Variants in XRCC1 observed in about 807,000 individuals in gnomAD.
XRCC1 encodes X-ray repair cross complementing 1, also known as DNA repair protein XRCC1.
A neutral mutation model predicts 83.3 loss-of-function variants in XRCC1; 52 were observed. The ratio of observed to expected loss-of-function variants is 0.62; its 90% CI spans 0.50 to 0.79. The LOEUF (loss-of-function observed/expected upper bound fraction) is 0.79, where lower values mean the gene tolerates loss of function less well. Among genes scored for constraint, XRCC1 ranks in the 30% least tolerant of loss-of-function variants. The pLI, the probability that XRCC1 is intolerant of heterozygous loss-of-function variation, is 0.00. For missense variants in XRCC1, 793 were observed against 823.5 expected, an observed-to-expected ratio of 0.96 and a Z score of 0.45; for synonymous variants, 281 against 312.6, an observed-to-expected ratio of 0.90 and a Z score of 1.07.
At position 43,552,828 on chromosome 19, in the gene XRCC1, C is replaced by T. The variant is rs1475430005; in HGVS notation, c.792G>A (p.Gln264=). 4 of 1,612,498 alleles carry T rather than the reference C, an allele frequency of 2.5e-6. No individual in the cohort carries two copies. The highest frequency in any genetic ancestry group is 3.4e-6 in the Non-Finnish European group (4 of 1,179,518). ...GTCTCTTGGGAACAGATGGCGACAG[C>T]TGGGCTGGTGGTTTGCTGGGGGTCT... The part of the protein sequence containing the change: ...EKKTPSKPPA[Q]LSPSVPKRPK... The change falls in exon 8 of 17, where the codon CAG becomes CAA. Residue 264 remains glutamine (Q), a synonymous_variant. Coordinates refer to ENST00000262887, the MANE Select transcript of XRCC1 (RefSeq NM_006297.3).
chr19:43,571,354 T>TAA (rs2146073025), intron 2 of XRCC1, among the ~76,000 whole-genome samples: 1 of 152,340 alleles, frequency 6.6e-6, no homozygotes, highest in Non-Finnish European at 1.5e-5. Context: ...CCCTACTATT[T>TAA]AAATAAAAAT....
At chr19:43,573,893 A>C (rs1358986429) in intron 2 of XRCC1, among the ~76,000 whole-genome samples, 1 of 152,098 alleles carries the variant, frequency 6.6e-6, no homozygotes, top group Non-Finnish European at 1.5e-5. Flanking sequence ...GATAAATAAA[A>C]GATTGACTGT....
intron 2 of XRCC1, among the ~76,000 whole-genome samples, chr19:43,568,112 ATCC>A (rs1972771223): frequency 6.6e-6 from 1 of 151,340 alleles, no homozygotes; most frequent in Non-Finnish European, 1.5e-5. Flanking sequence ...TGACCTCGTG[ATCC>A]ACCTGCCTCA....
intron 2 of XRCC1, among the ~76,000 whole-genome samples, chr19:43,568,711 T>C (rs1972778229): frequency 7.0e-6 from 1 of 143,594 alleles, no homozygotes; most frequent in Non-Finnish European, 1.5e-5. Flanking sequence ...AAAAAACTGC[T>C]AATGGTGGTT....
In XRCC1 at chr19:43,546,607, C is replaced by A. The variant is rs370026016; in HGVS notation, c.1414G>T (p.Gly472Trp). The change falls in exon 12 of 17, where the codon GGG becomes TGG. Residue 472 changes from glycine (G) to tryptophan (W), a missense_variant. Gly to Trp is a radical substitution (Grantham distance 184). Coordinates refer to ENST00000262887, the MANE Select transcript of XRCC1 (RefSeq NM_006297.3). ...PVLQEDIDIE[G>W]VQSEGQDNGA... Reference sequence around the variant, plus strand: ...CTCAGAGTCTGACCTGACTGTACCCCCTCAATGTCTATATCTTCCTGGAGC... The same window carrying A: ...CTCAGAGTCTGACCTGACTGTACCCACTCAATGTCTATATCTTCCTGGAGC... 1.9e-6 allele frequency: 3 copies of A among 1,610,034 alleles called. No homozygotes were observed. Among genetic ancestry groups the A allele is most frequent in the Non-Finnish European group, 2.5e-6 (3 of 1,178,922 alleles).
chr19:43,550,180 G>A (rs1257278491), intron 10 of XRCC1, among the ~76,000 whole-genome samples: 1 of 152,032 alleles, frequency 6.6e-6, no homozygotes, highest in Non-Finnish European at 1.5e-5. Flanking sequence ...GCAAATGGCT[G>A]GCATACAGAT....
At chr19:43,561,131 G>C (rs1207509704) in intron 2 of XRCC1, 111 bp from the exon 3 acceptor site, 1 of 849,758 alleles carries the variant, frequency 1.2e-6, no homozygotes, top group African/African-American at 1.7e-5. Flanking sequence ...TGTCAATTCT[G>C]TGAGGGGGCA....
Position 43,552,143 on chromosome 19 carries a change from A to G in XRCC1, c.956T>C (p.Ile319Thr). The G allele has an allele frequency of 1.9e-6, 3 of 1,613,854 alleles. No homozygotes were observed. Among genetic ancestry groups the G allele is most frequent in the South Asian group, 1.1e-5 (1 of 91,074 alleles). The change falls in exon 9 of 17, where the codon ATC becomes ACC. Residue 319 changes from isoleucine (I) to threonine (T), a missense_variant. By Grantham distance (89) the Ile-to-Thr change is moderately conservative (BLOSUM62 -1). Coordinates refer to ENST00000262887, the MANE Select transcript of XRCC1 (RefSeq NM_006297.3). ...PRAGPEELGK[I>T]LQGVVVVLSG... The stretch of plus-strand genomic sequence containing the variant: ...CAGCACCACTACCACACCCTGAAGG[A>G]TCTTCCCCAGCTCCTCTGGGCCAGC...
rs1480777538 is a variant in XRCC1 at position 43,554,704 on chromosome 19, G to A, written c.356C>T (p.Ala119Val). The A allele has an allele frequency of 6.2e-7, 1 of 1,613,942 alleles. No individual in the cohort carries two copies. Among genetic ancestry groups the A allele is most frequent in the Non-Finnish European group, 8.5e-7 (1 of 1,179,890 alleles). Residue 119 changes from alanine (A) to valine (V), a missense_variant, in exon 4 of 17, where the codon GCA becomes GTA. By Grantham distance (64) the Ala-to-Val change is moderately conservative. Coordinates refer to ENST00000262887, the MANE Select transcript of XRCC1 (RefSeq NM_006297.3). ...CCGGTCCCAGCGCTTCTCGGCGGCT[G>A]CCCGGACCAGCTTGTCAGGCCCAAA... ...RMFGPDKLVR[A>V]AAEKRWDRVK... is the part of the protein sequence containing the mutation.
At chr19:43,560,129 G>A (rs1053831952) in intron 3 of XRCC1, among the ~76,000 whole-genome samples, 2 of 151,884 alleles carry the variant, frequency 1.3e-5, no homozygotes, top group South Asian at 4.2e-4. Context: ...AGTGGCTCAC[G>A]CCTGTAATCC....
At chr19:43,564,137 C>T (rs1280961417) in intron 2 of XRCC1, among the ~76,000 whole-genome samples, 1 of 152,180 alleles carries the variant, frequency 6.6e-6, no homozygotes, top group African/African-American at 2.4e-5. Flanking sequence ...AAATAACATA[C>T]CAAGTGCCTG....
At chr19:43,568,806 G>A (rs1261552776) in intron 2 of XRCC1, among the ~76,000 whole-genome samples, 2 of 141,826 alleles carry the variant, frequency 1.4e-5, no homozygotes, top group Non-Finnish European at 3.1e-5. Context: ...AAAGGGTGAG[G>A]GGAGATTTTC....
intron 10 of XRCC1, among the ~76,000 whole-genome samples, chr19:43,547,580 C>T (rs1231594318): frequency 6.6e-6 from 1 of 151,554 alleles, no homozygotes; most frequent in African/African-American, 2.4e-5. Flanking sequence ...TCCCAGGGTT[C>T]GAGCGAGTCT....
chr19:43,545,229 C>G (rs956887667), intron 14 of XRCC1, among the ~76,000 whole-genome samples: 5 of 152,220 alleles, frequency 3.3e-5, no homozygotes, highest in Admixed American at 2.0e-4. Context: ...CCGTGACTGT[C>G]TTTCCTCTGC....
intron 10 of XRCC1, among the ~76,000 whole-genome samples, chr19:43,549,184 A>T (rs553151861): frequency 2.4e-4 from 35 of 146,956 alleles, no homozygotes; most frequent in Admixed American, 1.1e-3. Context: ...TTCAAAGATT[A>T]AAAAAAAAAC....
At chr19:43,545,082 G>T (rs866846090) in intron 14 of XRCC1, among the ~76,000 whole-genome samples, 1 of 152,088 alleles carries the variant, frequency 6.6e-6, no homozygotes, top group Non-Finnish European at 1.5e-5. Flanking sequence ...CCATTTTAAG[G>T]TGACTCTCTA....
At chr19:43,548,068 G>A (rs187390192) in intron 10 of XRCC1, among the ~76,000 whole-genome samples, 6 of 52,890 alleles carry the variant, frequency 1.1e-4, no homozygotes, top group East Asian at 1.2e-3. Flanking sequence ...GCCCCGTCGG[G>A]GGGGAGGTGG....
Position 43,574,953 on chromosome 19 carries a change from C to A in XRCC1, c.101G>T (p.Arg34Leu), listed in dbSNP as rs1335170067. Residue 34 changes from arginine to leucine, a missense_variant, in exon 2 of 17, where the codon CGG (arginine) becomes CTG (leucine). Arg to Leu is a moderately radical substitution (Grantham distance 102, BLOSUM62 -2). Transcript: ENST00000262887. ...LLKADTYRKW[R>L]AAKAGEKTIS... ...GGTCTTCTCGCCTGCCTTGGCTGCCCGCCATTTTCGGTAAGTGTCTGCCTT... is the reference window on the plus strand; with the variant it reads ...GGTCTTCTCGCCTGCCTTGGCTGCCAGCCATTTTCGGTAAGTGTCTGCCTT... 6.2e-7 allele frequency: 1 copy of A among 1,614,000 alleles called. No individual in the cohort carries two copies. Among genetic ancestry groups the A allele is most frequent in the African/African-American group, 1.3e-5 (1 of 74,874 alleles).
intron 6 of XRCC1, 108 bp downstream of exon 6, chr19:43,553,293 C>A (rs1256384356): frequency 7.5e-7 from 1 of 1,325,508 alleles, no homozygotes; most frequent in Non-Finnish European, 1.1e-6. Flanking sequence ...GACTCCACTA[C>A]CCTCCTCCCT....
Sources: gnomAD v4.1 joint callset for allele counts (sites outside exome capture counted in the v4.1 genomes callset) on GRCh38, gnomAD v4.1.1 for gene constraint, MANE v1.5 for transcripts, NCBI Gene and HGNC (gene_info 2026-07-23, HGNC 2026-07-21) for gene names.